The following VPS13B variants were observed in gnomAD, a reference collection of about 807,000 sequenced individuals.
VPS13B encodes the protein vacuolar protein sorting 13 homolog B.
A neutral mutation model predicts 426.4 loss-of-function variants in VPS13B; 285 were observed. The ratio of observed to expected loss-of-function variants is 0.67; its 90% CI spans 0.61 to 0.74. The LOEUF (loss-of-function observed/expected upper bound fraction) is 0.74. VPS13B is among the 30% of genes least tolerant of loss of function. The probability of loss-of-function intolerance (pLI) is 0.00; values close to 1 mark genes in which losing one functional copy is unlikely to be tolerated. For missense variants in VPS13B, 4,537 were observed against 4,782.6 expected (o/e 0.95, Z 1.51); for synonymous variants, 1,676 against 1,676.4 (o/e 1.00, Z 0.01).
intron 23 of VPS13B, among the ~76,000 whole-genome samples, chr8:99,446,374 T>C (rs1332327676): frequency 6.6e-6 from 1 of 152,190 alleles, no homozygotes; most frequent in Non-Finnish European, 1.5e-5. Flanking sequence ...TCATGTTTCC[T>C]TGGAAGTCGT....
intron 15 of VPS13B, among the ~76,000 whole-genome samples, chr8:99,168,777 A>G (rs1812161577): frequency 6.6e-6 from 1 of 152,002 alleles, no homozygotes. Flanking sequence ...GGTTAATAGC[A>G]GGTTATAGGT....
chr8:99,791,732 A>C (rs1812544613), intron 43 of VPS13B, among the ~76,000 whole-genome samples: 1 of 151,546 alleles, frequency 6.6e-6, no homozygotes, highest in South Asian at 2.1e-4. Context: ...AAAAAAAAAA[A>C]AAAAAAAAAA....
Position 99,853,554 on chromosome 8 carries a change from C to G in VPS13B, c.10165C>G (p.Leu3389Val). The G allele has an allele frequency of 6.2e-7, 1 of 1,614,230 alleles. No individual in the cohort carries two copies. The highest frequency in any genetic ancestry group is 8.5e-7 in the Non-Finnish European group (1 of 1,180,042). ...HHKASAELLR[L>V]TLDNIFLCVA... is the part of the protein sequence containing the mutation. ...CAAAGCATCAGCTGAGCTTCTGAGA[C>G]TCACACTGGACAACATTTTTCTCTG... Residue 3389 changes from leucine to valine, a missense_variant, in exon 56 of 62, where the codon CTC (leucine) becomes GTC (valine). Transcript: ENST00000357162.
At chr8:99,632,074 CAG>C (rs1588569272) in intron 33 of VPS13B, among the ~76,000 whole-genome samples, 1 of 151,848 alleles carries the variant, frequency 6.6e-6, no homozygotes. Context: ...AGAGAAATGT[CAG>C]AAAGTTTTGA....
intron 54 of VPS13B, among the ~76,000 whole-genome samples, chr8:99,837,501 C>T (rs1325753983): frequency 6.6e-6 from 1 of 152,184 alleles, no homozygotes; most frequent in African/African-American, 2.4e-5. Flanking sequence ...GACATTCTTC[C>T]TGTCAAACCT....
intron 30 of VPS13B, among the ~76,000 whole-genome samples, chr8:99,548,079 A>G (rs891596923): frequency 9.9e-5 from 15 of 152,208 alleles, no homozygotes; most frequent in Admixed American, 1.3e-4. Flanking sequence ...AGACGTTAAC[A>G]TTAGGCATTC....
At chr8:99,298,318 G>A (rs199732261) in intron 19 of VPS13B, among the ~76,000 whole-genome samples, 4 of 151,944 alleles carry the variant, frequency 2.6e-5, no homozygotes, top group Admixed American at 1.3e-4. Flanking sequence ...GAGAAACCCC[G>A]TCTCTACTAA....
At chr8:99,676,350 G>A (rs1830931830) in intron 35 of VPS13B, among the ~76,000 whole-genome samples, 1 of 152,114 alleles carries the variant, frequency 6.6e-6, no homozygotes. Context: ...ATTCAGGCCA[G>A]TGATCAAGTC....
At chr8:99,656,622 G>A (rs1830028005) in intron 34 of VPS13B, among the ~76,000 whole-genome samples, 1 of 152,132 alleles carries the variant, frequency 6.6e-6, no homozygotes, top group Non-Finnish European at 1.5e-5. Flanking sequence ...GGAAGACTAG[G>A]AGTCATGCCC....
At chr8:99,671,966 G>C (rs955856221) in intron 35 of VPS13B, among the ~76,000 whole-genome samples, 2 of 152,036 alleles carry the variant, frequency 1.3e-5, no homozygotes, top group African/African-American at 4.8e-5. Context: ...TCTCTATTCT[G>C]TTCCATTGGT....
chr8:99,028,394 A>AC (rs34858148), intron 2 of VPS13B, among the ~76,000 whole-genome samples: 8,135 of 114,574 alleles, frequency 0.071, 518 homozygotes, highest in African/African-American at 0.17. Flanking sequence ...CGGGGGGCTG[A>AC]CCCCCCCCAC....
chr8:99,078,409 A>T (rs1347277988), intron 3 of VPS13B, among the ~76,000 whole-genome samples: 1 of 148,948 alleles, frequency 6.7e-6, no homozygotes, highest in African/African-American at 2.5e-5. Flanking sequence ...AGTCTGCATG[A>T]TTTCTTTGGC....
At position 99,776,777 on chromosome 8, in the gene VPS13B, C is replaced by A. The variant is rs1811761899; in HGVS notation, c.7250C>A (p.Ser2417Tyr). 6.2e-7 allele frequency: 1 copy of A among 1,614,002 alleles called. No individual in the cohort carries two copies. Among genetic ancestry groups the A allele is most frequent in the African/African-American group, 1.3e-5 (1 of 75,034 alleles). The change falls in exon 41 of 62, where the codon TCT (serine) becomes TAT (tyrosine). Residue 2417 changes from serine (S) to tyrosine (Y), a missense_variant and splice_region_variant. Physicochemically the swap from Ser to Tyr is moderately radical, Grantham distance 144 (BLOSUM62 -2). Around this residue, in one of 2 missense-constraint regions of VPS13B, gnomAD observed 4,311 missense variants for 4,474.3 expected, o/e 0.96. Coordinates refer to ENST00000357162, the MANE Select transcript of VPS13B (RefSeq NM_152564.5). ...CTTTTATCACTTCTTTCCCATAGCT[C>A]TGCAAGTGAGTCTGGTTCTCAAAGC... is the stretch of plus-strand genomic sequence containing the variant. ...SSQNGADDQSSASESGSQSTC... is the reference protein window; with the variant it reads ...SSQNGADDQSYASESGSQSTC...
At chr8:99,434,692 T>C (rs1408644483) in intron 22 of VPS13B, among the ~76,000 whole-genome samples, 1 of 152,222 alleles carries the variant, frequency 6.6e-6, no homozygotes, top group African/African-American at 2.4e-5. Flanking sequence ...GTTTCTTTTC[T>C]GAGCATGCCT....
At chr8:99,766,486 ACTTACTATG>A (rs1406433392) in intron 39 of VPS13B, among the ~76,000 whole-genome samples, 1 of 152,164 alleles carries the variant, frequency 6.6e-6, no homozygotes, top group Non-Finnish European at 1.5e-5. Flanking sequence ...CTTATCTTTT[ACTTACTATG>A]GGTTTATAAT....
At chr8:99,852,826 G>A (rs1382646350) in intron 55 of VPS13B, among the ~76,000 whole-genome samples, 1 of 152,132 alleles carries the variant, frequency 6.6e-6, no homozygotes, top group East Asian at 1.9e-4. Flanking sequence ...TTTTTGAGCT[G>A]AGAGATGACA....
intron 21 of VPS13B, among the ~76,000 whole-genome samples, chr8:99,403,098 T>C (rs752240417): frequency 1.5e-4 from 23 of 152,218 alleles, no homozygotes; most frequent in Admixed American, 6.5e-4. Flanking sequence ...CAAAGATGGA[T>C]CTTTTCTTCG....
intron 12 of VPS13B, among the ~76,000 whole-genome samples, chr8:99,139,878 CT>C: frequency 6.6e-6 from 1 of 150,988 alleles, no homozygotes; most frequent in African/African-American, 2.4e-5. Context: ...TTATCTAAAA[CT>C]CTTGTTTTTT....
chr8:99,824,912 C>CT (rs1323379846), intron 51 of VPS13B, among the ~76,000 whole-genome samples: 1 of 152,132 alleles, frequency 6.6e-6, no homozygotes, highest in Non-Finnish European at 1.5e-5. Flanking sequence ...TGAACTCATT[C>CT]TTTTTTATTT....
Sources: allele counts gnomAD v4.1 joint callset (sites outside exome capture counted in the v4.1 genomes callset), GRCh38; gene constraint gnomAD v4.1.1; regional missense constraint gnomAD v4.1.1; transcripts MANE v1.5; gene names NCBI Gene and HGNC (gene_info 2026-07-23, HGNC 2026-07-21).